The following ARFGAP3 variants were observed in gnomAD, a reference collection of about 807,000 sequenced individuals.
ARFGAP3 encodes the protein ADP-ribosylation factor GTPase-activating protein 3.
Under a neutral mutation model 75.0 loss-of-function variants are expected in ARFGAP3, and 72 were observed. The ratio of observed to expected loss-of-function variants is 0.96; its 90% CI spans 0.79 to 1.17. The LOEUF (loss-of-function observed/expected upper bound fraction) is 1.17. Among genes scored for constraint, ARFGAP3 ranks in the 50% most tolerant of loss-of-function variants. ARFGAP3 has a pLI of 0.00. For missense variants in ARFGAP3, 620 were observed against 626.6 expected (o/e 0.99, Z 0.11); for synonymous variants, 221 against 217.9 (o/e 1.01, Z -0.13).
intron 3 of ARFGAP3, among the ~76,000 whole-genome samples, chr22:42,837,093 C>T (rs561674818): frequency 6.6e-6 from 1 of 152,296 alleles, no homozygotes; most frequent in East Asian, 1.9e-4. Context: ...GAAATAAGAA[C>T]AGGTAAGTCA....
intron 6 of ARFGAP3, 75 bp downstream of exon 6, chr22:42,831,474 T>G: frequency 6.9e-7 from 1 of 1,459,204 alleles, no homozygotes; most frequent in Non-Finnish European, 9.5e-7. Flanking sequence ...GCCTGGCCCA[T>G]CTTAATTTTT....
rs559103661 is a variant in ARFGAP3 at position 42,797,252 on chromosome 22, C to A, written c.*336G>T. Reference sequence around the variant, plus strand: ...GTCACATGGAGACCTCTCCTCCTCCCCCACATGAAGCCTCCTGGTTCAGGA... The same window carrying A: ...GTCACATGGAGACCTCTCCTCCTCCACCACATGAAGCCTCCTGGTTCAGGA... On this transcript the variant is annotated 3_prime_UTR_variant, in exon 16 of 16. Transcript: ENST00000263245. The A allele has an allele frequency of 5.5e-5, 17 of 309,868 alleles. No individual in the cohort carries two copies. In the South Asian group the frequency reaches 6.9e-4, roughly 13 times the overall value. 19.2% of individuals were successfully genotyped at this position (309,868 alleles called of 1,614,324 possible). A position where few individuals can be genotyped will look rare whatever the true frequency, so the allele number is the denominator to read the frequency against.
intron 1 of ARFGAP3, 78 bp from the exon 2 acceptor site, chr22:42,847,710 A>C: frequency 6.6e-7 from 1 of 1,525,442 alleles, no homozygotes; most frequent in Non-Finnish European, 8.8e-7. Flanking sequence ...TAAATGACTT[A>C]GCTTGAAAAC....
intron 3 of ARFGAP3, among the ~76,000 whole-genome samples, chr22:42,837,672 C>CCTCTTTTTTTTTTTTTT (rs1569163579): frequency 1.5e-5 from 1 of 67,308 alleles, no homozygotes; most frequent in African/African-American, 8.4e-5. Flanking sequence ...CTAAGGCATA[C>CCTCTTTTTTTTTTTTTT]TTCTTTTTTT....
chr22:42,835,568 T>C, intron 3 of ARFGAP3, 75 bp from the exon 4 acceptor site: 1 of 1,557,724 alleles, frequency 6.4e-7, no homozygotes, highest in African/African-American at 1.4e-5. Context: ...ATGCCTGTAA[T>C]CCCAGCACTC....
Position 42,822,286 on chromosome 22 carries a change from A to G in ARFGAP3, c.796T>C (p.Ser266Pro), listed in dbSNP as rs2146547194. Residue 266 changes from serine (S) to proline (P), a missense_variant, in exon 9 of 16, where the codon TCT becomes CCT. Ser to Pro is a moderately conservative substitution (Grantham distance 74). Coordinates refer to ENST00000263245, the MANE Select transcript of ARFGAP3 (RefSeq NM_014570.5). ...KEQEDLAKVV[S>P]KEESIVSSLR... ...TAAACTTACATTGATTCTTCTTTAG[A>G]TACCACCTTGGCCAGGTCTTCCTGC... The G allele has an allele frequency of 6.2e-7, 1 of 1,613,460 alleles. No homozygotes were observed. The highest frequency in any genetic ancestry group is 1.1e-5 in the South Asian group (1 of 91,028).
At chr22:42,811,749 T>A (rs1327289606) in intron 11 of ARFGAP3, among the ~76,000 whole-genome samples, 4 of 152,196 alleles carry the variant, frequency 2.6e-5, no homozygotes, top group Non-Finnish European at 5.9e-5. Flanking sequence ...AGGGCATTGC[T>A]CAGAGAGCAG....
At chr22:42,851,478 A>C (rs55876859) in intron 1 of ARFGAP3, among the ~76,000 whole-genome samples, 3,620 of 152,326 alleles carry the variant, frequency 0.024, 144 homozygotes, top group African/African-American at 0.084. Flanking sequence ...TGTCTACCTT[A>C]TTCACCTGAG....
At chr22:42,823,317 T>A (rs895124747) in intron 8 of ARFGAP3, among the ~76,000 whole-genome samples, 3 of 151,998 alleles carry the variant, frequency 2.0e-5, no homozygotes, top group Admixed American at 6.6e-5. Flanking sequence ...CTTCGCTGTA[T>A]CTGAAAACTC....
At chr22:42,846,655 T>C (rs1927033742) in intron 2 of ARFGAP3, among the ~76,000 whole-genome samples, 1 of 152,236 alleles carries the variant, frequency 6.6e-6, no homozygotes. Context: ...GTGATATTAG[T>C]GTCCTTGGAA....
chr22:42,823,199 AG>A (rs1384414431), intron 8 of ARFGAP3, among the ~76,000 whole-genome samples: 4 of 152,078 alleles, frequency 2.6e-5, no homozygotes, highest in African/African-American at 9.7e-5. Context: ...GGCTGAGGAA[AG>A]TAAAGCTCAT....
chr22:42,826,439 G>A lies in ARFGAP3; in HGVS notation c.625+501C>T, dbSNP rs994140550. On this transcript the variant is annotated intron_variant, in intron 7 of 15. Coordinates refer to ENST00000263245, the MANE Select transcript of ARFGAP3 (RefSeq NM_014570.5). ...CTGTCACCCAGGGCAGAGTGCAGTG[G>A]TGTGATCATGGCTCACTGCAGCCTC... 3.3e-5 allele frequency among the ~76,000 whole-genome samples: 5 copies of A among 152,000 alleles called. No individual in the cohort carries two copies. The South Asian group carries it at 1.0e-3, about 32-fold the overall frequency.
rs116504417 is a variant in ARFGAP3, at chr22:42,804,141, C to T, written c.1411+2932G>A. Among the ~76,000 whole-genome samples, 780 of 151,754 alleles carry T rather than the reference C, an allele frequency of 5.1e-3. 5 individuals are homozygous for T. The highest frequency in any genetic ancestry group is 0.017 in the African/African-American group (721 of 41,380). On this transcript the variant is annotated intron_variant, in intron 14 of 15. Coordinates refer to ENST00000263245, the MANE Select transcript of ARFGAP3 (RefSeq NM_014570.5). ...CTGGTCTGGAACTCCTGAGCTCAAG[C>T]GATACGTCTTCCTCAGCCTCCCAAA... is the stretch of plus-strand genomic sequence containing the variant.
In ARFGAP3 at chr22:42,834,132, A is replaced by T. The variant is rs928940447; in HGVS notation, c.477+110T>A. The T allele has an allele frequency of 4.1e-6, 4 of 980,808 alleles. No individual in the cohort carries two copies. The African/African-American group carries it at 5.0e-5, about 12-fold the overall frequency. 60.8% of individuals were successfully genotyped at this position (980,808 alleles called of 1,614,324 possible). ...TTTCTCTCTTCAGTAGTTATGTTTC[A>T]GCACTTCTTGTTACAAGAGCTTAGC... On this transcript the variant is annotated intron_variant, in intron 5 of 15. Coordinates refer to ENST00000263245, the MANE Select transcript of ARFGAP3 (RefSeq NM_014570.5).
At chr22:42,830,033 A>C (rs1294217024) in intron 6 of ARFGAP3, among the ~76,000 whole-genome samples, 1 of 152,230 alleles carries the variant, frequency 6.6e-6, no homozygotes, top group Non-Finnish European at 1.5e-5. Context: ...AAAATGAAAA[A>C]TCAGCATTCT....
intron 14 of ARFGAP3, 43 bp from the exon 15 acceptor site, chr22:42,799,203 A>G (rs761837926): frequency 6.2e-6 from 10 of 1,605,380 alleles, no homozygotes; most frequent in South Asian, 1.1e-5. Flanking sequence ...TGCCCTGGCC[A>G]CAGCTGCGGC....
chr22:42,826,925 T>C lies in ARFGAP3; in HGVS notation c.625+15A>G, dbSNP rs1215765147. The C allele has an allele frequency of 6.2e-7, 1 of 1,610,392 alleles. No individual in the cohort carries two copies. The highest frequency in any genetic ancestry group is 2.2e-5 in the East Asian group (1 of 44,814). ...ATACACTTTAAATCAGAATGTAGGA[T>C]TTTAAGCATATTACCTAAAGTAGCC... On this transcript the variant is annotated intron_variant, in intron 7 of 15. Coordinates refer to ENST00000263245, the MANE Select transcript of ARFGAP3 (RefSeq NM_014570.5).
In ARFGAP3 at chr22:42,817,284, A is replaced by G. The variant is rs902060225; in HGVS notation, c.942-20T>C. 6.3e-7 allele frequency: 1 copy of G among 1,581,260 alleles called. No individual in the cohort carries two copies. The highest frequency in any genetic ancestry group is 2.3e-5 in the East Asian group (1 of 44,022). Reference sequence around the variant, plus strand: ...ATAACACTTGAGAAAACAGAAAAATATATATATCAGTAAGTTCACAAACTT... The same window carrying G: ...ATAACACTTGAGAAAACAGAAAAATGTATATATCAGTAAGTTCACAAACTT... On this transcript the variant is annotated intron_variant, in intron 10 of 15. Transcript: ENST00000263245.
chr22:42,825,655 A>T (rs1284807213), intron 7 of ARFGAP3, among the ~76,000 whole-genome samples: 1 of 151,148 alleles, frequency 6.6e-6, no homozygotes, highest in Non-Finnish European at 1.5e-5. Context: ...AGTGTACTCC[A>T]GCCTGGGTGA....
Sources: gnomAD v4.1 joint callset for allele counts (sites outside exome capture counted in the v4.1 genomes callset) on GRCh38, gnomAD v4.1.1 for gene constraint, MANE v1.5 for transcripts, NCBI Gene and HGNC (gene_info 2026-07-23, HGNC 2026-07-21) for gene names.